Variants in ATXN7L2 observed in about 807,000 individuals in gnomAD.
ATXN7L2 encodes ataxin 7 like 2.
ATXN7L2 carries 17 observed loss-of-function variants against 59.6 expected under a neutral mutation model. The observed-to-expected ratio is 0.29, with a 90% CI of 0.20 to 0.43. ATXN7L2 has a LOEUF of 0.43. ATXN7L2 is among the 20% of genes least tolerant of loss of function. The pLI is 1.00. For synonymous variants in ATXN7L2, 378 were observed against 392.5 expected (o/e 0.96, Z 0.44); for missense variants, 858 against 1,008.9 (o/e 0.85, Z 2.03).
At chr1:109,487,869 T>C (rs1656716328) in intron 5 of ATXN7L2, 65 bp downstream of exon 5, 2 of 1,503,874 alleles carry the variant, frequency 1.3e-6, no homozygotes, top group East Asian at 2.4e-5. Flanking sequence ...TGCTTTGTCC[T>C]TGGGCTGGAT....
intron 10 of ATXN7L2, chr1:109,492,072 C>G (rs1482817816): frequency 9.2e-7 from 1 of 1,090,252 alleles, no homozygotes; most frequent in Non-Finnish European, 1.1e-6. Context: ...AGTTTGAGTC[C>G]CTGGGTCACA....
At chr1:109,485,270 G>A (rs1238771470) in intron 1 of ATXN7L2, 8 of 919,618 alleles carry the variant, frequency 8.7e-6, no homozygotes, top group Non-Finnish European at 1.0e-5. Context: ...GGGGAGGAGA[G>A]AGGTAGGGGG....
At chr1:109,492,288 G>C (rs553506189) in intron 10 of ATXN7L2, among the ~76,000 whole-genome samples, 1 of 152,314 alleles carries the variant, frequency 6.6e-6, no homozygotes, top group African/African-American at 2.4e-5. Flanking sequence ...GGGAGCCCTG[G>C]TGTAGTGTGC....
intron 4 of ATXN7L2, 40 bp from the exon 5 acceptor site, chr1:109,487,478 C>G (rs1656677410): frequency 1.4e-6 from 2 of 1,458,928 alleles, no homozygotes; most frequent in South Asian, 3.0e-5. Flanking sequence ...GCCTCGCCTC[C>G]CCTCCCCTCC....
At chr1:109,487,419 A>G (rs1656672404) in intron 4 of ATXN7L2, 99 bp from the exon 5 acceptor site, 1 of 1,303,106 alleles carries the variant, frequency 7.7e-7, no homozygotes, top group Non-Finnish European at 1.0e-6. Flanking sequence ...GCCCACCCAA[A>G]TTCCAGGGCT....
At chr1:109,490,203 A>AT in intron 8 of ATXN7L2, 68 bp from the exon 9 acceptor site, 4 of 1,589,272 alleles carry the variant, frequency 2.5e-6, no homozygotes, top group Non-Finnish European at 3.4e-6. Context: ...AGGAGGCCAG[A>AT]TCCTGTGTGC....
chr1:109,488,747 C>G lies in ATXN7L2; in HGVS notation c.880-100C>G, dbSNP rs1048570574. On this transcript the variant is annotated intron_variant, in intron 6 of 10. Coordinates refer to ENST00000683729, the MANE Select transcript of ATXN7L2 (RefSeq NM_001350175.2). The surrounding 1 kb of genome is among the most constrained non-coding windows in gnomAD (Gnocchi z 5.0). The stretch of plus-strand genomic sequence containing the variant: ...CACAGCTGCAAATATGCCCACCTCT[C>G]TCCCTGCCCCCCAACTTGCCCGGGC... 5.6e-6 allele frequency: 8 copies of G among 1,417,888 alleles called. No homozygotes were observed. The African/African-American group carries it at 1.0e-4, about 18-fold the overall frequency. The allele number at this position is 1,417,888 out of a possible 1,614,324, so 87.8% of individuals were successfully genotyped here. A position where few individuals can be genotyped will look rare whatever the true frequency, so the allele number is the denominator to read the frequency against.
chr1:109,486,853 C>T lies in ATXN7L2; in HGVS notation c.299-154C>T, dbSNP rs1144594. Among the ~76,000 whole-genome samples, 41,965 of 152,022 alleles carry T rather than the reference C, an allele frequency of 0.28. 6,135 individuals carry two copies. Among genetic ancestry groups the T allele is most frequent in the Non-Finnish European group, 0.31 (21,193 of 67,948 alleles). On this transcript the variant is annotated intron_variant, in intron 3 of 10. Transcript: ENST00000683729. This position sits in a 1 kb window ranked among gnomAD's most constrained non-coding sequence, Gnocchi z 4.3. ...GAAGCTGGGTCTTGAATTTTGAGTCCTAAAGGCTCAGATTCAAATGGGAAG... is the reference window on the plus strand; with the variant it reads ...GAAGCTGGGTCTTGAATTTTGAGTCTTAAAGGCTCAGATTCAAATGGGAAG...
Position 109,487,753 on chromosome 1 carries a change from A to G in ATXN7L2, c.745A>G (p.Lys249Glu). ...SHWAEGSPPE[K>E]EPSGTRLPPK... The stretch of plus-strand genomic sequence containing the variant: ...CTGGGCTGAAGGCAGCCCTCCTGAA[A>G]AGGAGCCCAGTGGGACCAGGCTGCC... Residue 249 changes from lysine to glutamate, a missense_variant, in exon 5 of 11, where the codon AAG becomes GAG. Coordinates refer to ENST00000683729, the MANE Select transcript of ATXN7L2 (RefSeq NM_001350175.2). 6.2e-7 allele frequency: 1 copy of G among 1,611,936 alleles called. No individual in the cohort carries two copies. Among genetic ancestry groups the G allele is most frequent in the Non-Finnish European group, 8.5e-7 (1 of 1,179,076 alleles).
intron 1 of ATXN7L2, chr1:109,485,144 G>A (rs1476228762): frequency 1.9e-6 from 1 of 539,982 alleles, no homozygotes; most frequent in Non-Finnish European, 2.4e-6. Flanking sequence ...GCAAAGATGG[G>A]GCCATTGTCA....
At position 109,491,619 on chromosome 1, in the gene ATXN7L2, C is replaced by G; in HGVS notation, c.2152C>G (p.His718Asp). 1 of 1,613,530 alleles carries G rather than the reference C, an allele frequency of 6.2e-7. No individual in the cohort carries two copies. The highest frequency in any genetic ancestry group is 1.1e-5 in the South Asian group (1 of 91,058). ...TTATTGCCGGCCAGTGAAGGCCAAG[C>G]ACTGTCAGGCTGGTGCCCCTGCTGA... ...ATYCRPVKAKHCQAGAPADVA... is the reference protein window; with the variant it reads ...ATYCRPVKAKDCQAGAPADVA... Residue 718 changes from histidine to aspartate, a missense_variant, in exon 10 of 11, where the codon CAC (histidine) becomes GAC (aspartate). His to Asp is a moderately conservative substitution (Grantham distance 81). Around this residue, in one of 3 missense-constraint regions of ATXN7L2, gnomAD observed 734 missense variants for 862.3 expected, o/e 0.85. Transcript: ENST00000683729. The surrounding 1 kb of genome is among the most constrained non-coding windows in gnomAD (Gnocchi z 4.1).
At chr1:109,484,133 C>A (rs557996994) in intron 1 of ATXN7L2, 53 bp downstream of exon 1, 52 of 1,368,246 alleles carry the variant, frequency 3.8e-5, no homozygotes, top group African/African-American at 9.1e-5. Flanking sequence ...TCCCCTCCCC[C>A]CTTCCGGGCC....
At chr1:109,489,457 G>A in intron 7 of ATXN7L2, 1 of 351,798 alleles carries the variant, frequency 2.8e-6, no homozygotes, top group South Asian at 4.0e-5. Flanking sequence ...CGCGTGCAGA[G>A]GCTATGCCGG....
At position 109,489,935 on chromosome 1, in the gene ATXN7L2, G is replaced by C. The variant is rs145225962; in HGVS notation, c.1139G>C (p.Arg380Pro). 2 of 1,613,358 alleles carry C rather than the reference G, an allele frequency of 1.2e-6. No homozygotes were observed. The highest frequency in any genetic ancestry group is 1.1e-5 in the South Asian group (1 of 91,058). The change falls in exon 8 of 11, where the codon CGG becomes CCG. Residue 380 changes from arginine to proline, a missense_variant. Coordinates refer to ENST00000683729, the MANE Select transcript of ATXN7L2 (RefSeq NM_001350175.2). ...TYPYCALPRSRASSESELDDE... is the reference protein window; with the variant it reads ...TYPYCALPRSPASSESELDDE... ...ATCCCTTTTGGCCCTTCCAGGTCCC[G>C]GGCCTCCTCCGAGAGTGAATTGGAT...
Position 109,491,078 on chromosome 1 carries a change from T to C in ATXN7L2, c.1611T>C (p.Leu537=). Residue 537 remains leucine (L), a synonymous_variant, in exon 10 of 11, where the codon CTT becomes CTC. Transcript: ENST00000683729. The surrounding 1 kb of genome is among the most constrained non-coding windows in gnomAD (Gnocchi z 4.1). The stretch of plus-strand genomic sequence containing the variant: ...CCATGCCCCCCACCAAGGACAACCT[T>C]GTCCCCAGCTACCCTGCAGGCTCCC... ...PASMPPTKDN[L]VPSYPAGSPS... is the part of the protein sequence containing the mutation. 1.9e-6 allele frequency: 3 copies of C among 1,613,668 alleles called. No homozygotes were observed. The South Asian group carries it at 3.3e-5, about 18-fold the overall frequency.
chr1:109,487,773 G>T lies in ATXN7L2; in HGVS notation c.765G>T (p.Arg255Ser). ...CTGAAAAGGAGCCCAGTGGGACCAG[G>T]CTGCCCCCTAAAACCCACCGGAAGA... Reference protein sequence around the residue: ...SPPEKEPSGTRLPPKTHRKMA... With the variant: ...SPPEKEPSGTSLPPKTHRKMA... The change falls in exon 5 of 11, where the codon AGG (arginine) becomes AGT (serine). Residue 255 changes from arginine to serine, a missense_variant. Arg to Ser is a moderately radical substitution (Grantham distance 110). Coordinates refer to ENST00000683729, the MANE Select transcript of ATXN7L2 (RefSeq NM_001350175.2). 6.2e-7 allele frequency: 1 copy of T among 1,609,404 alleles called. No homozygotes were observed. The highest frequency in any genetic ancestry group is 8.5e-7 in the Non-Finnish European group (1 of 1,178,224).
chr1:109,485,235 A>C, intron 1 of ATXN7L2: 1 of 835,386 alleles, frequency 1.2e-6, no homozygotes, highest in Non-Finnish European at 1.3e-6. Flanking sequence ...CCCAAGGGAC[A>C]GGGAGGGGGC....
At chr1:109,484,121 T>C (rs1291443918) in intron 1 of ATXN7L2, 41 bp downstream of exon 1, 10 of 1,430,104 alleles carry the variant, frequency 7.0e-6, no homozygotes, top group South Asian at 1.4e-5. Flanking sequence ...CCCATCACTA[T>C]CTCCCCTCCC....
In ATXN7L2 at chr1:109,491,438, G is replaced by A. The variant is rs758349661; in HGVS notation, c.1971G>A (p.Gly657=). 5.4e-5 allele frequency: 87 copies of A among 1,614,010 alleles called. No individual in the cohort carries two copies. Among genetic ancestry groups the A allele is most frequent in the Non-Finnish European group, 7.0e-5 (83 of 1,180,060 alleles). ...GTMGPRVKRA[G]PLDCRGSPHQ... ...TGGGGCCAAGAGTGAAGCGGGCAGG[G>A]CCCCTGGACTGTCGTGGCTCCCCTC... The change falls in exon 10 of 11, where the codon GGG becomes GGA. Residue 657 remains glycine (G), a synonymous_variant. Transcript: ENST00000683729. This position sits in a 1 kb window ranked among gnomAD's most constrained non-coding sequence, Gnocchi z 4.1.
Sources: allele counts gnomAD v4.1 joint callset (sites outside exome capture counted in the v4.1 genomes callset), GRCh38; gene constraint gnomAD v4.1.1; regional missense constraint gnomAD v4.1.1; non-coding constraint Gnocchi (gnomAD v3.1); transcripts MANE v1.5; gene names NCBI Gene and HGNC (gene_info 2026-07-23, HGNC 2026-07-21).